PCDH9: variants seen among roughly 807,000 people sequenced by gnomAD.
PCDH9 encodes the protein protocadherin-9.
A neutral mutation model predicts 70.6 loss-of-function variants in PCDH9; 24 were observed. The ratio of observed to expected loss-of-function variants is 0.34; its 90% CI spans 0.25 to 0.48. The LOEUF is 0.48. Among genes scored for constraint, PCDH9 ranks in the 20% least tolerant of loss-of-function variants. PCDH9 has a pLI of 0.99. For synonymous variants in PCDH9, 562 were observed against 558.5 expected (o/e 1.01, Z -0.09); for missense variants, 1,281 against 1,503.6 (o/e 0.85, Z 2.45).
intron 2 of PCDH9, among the ~76,000 whole-genome samples, chr13:66,927,123 A>G (rs2082729032): frequency 6.6e-5 from 10 of 152,064 alleles, no homozygotes; most frequent in Admixed American, 5.9e-4. Flanking sequence ...TGAATGACCA[A>G]TTTACAGTTT....
At chr13:67,066,560 G>A (rs1381467761) in intron 2 of PCDH9, among the ~76,000 whole-genome samples, 2 of 152,122 alleles carry the variant, frequency 1.3e-5, no homozygotes, top group Non-Finnish European at 2.9e-5. Context: ...AATACCCAAA[G>A]AGAGTAGAGA....
intron 2 of PCDH9, among the ~76,000 whole-genome samples, chr13:67,097,331 A>C (rs958300562): frequency 2.0e-5 from 3 of 151,854 alleles, no homozygotes; most frequent in African/African-American, 4.8e-5. Context: ...CTATCCTGTT[A>C]ATTTATTTTC....
At chr13:67,118,819 C>G (rs1027537056) in intron 2 of PCDH9, among the ~76,000 whole-genome samples, 1 of 152,170 alleles carries the variant, frequency 6.6e-6, no homozygotes. Flanking sequence ...ATCCTAAATA[C>G]CTTTTCCTAA....
chr13:66,399,041 T>C (rs1050527064), intron 4 of PCDH9, among the ~76,000 whole-genome samples: 1 of 152,116 alleles, frequency 6.6e-6, no homozygotes, highest in African/African-American at 2.4e-5. Flanking sequence ...AAATAGAAAA[T>C]AGTGGACTGG....
At chr13:66,481,980 A>C (rs1566359889) in intron 4 of PCDH9, among the ~76,000 whole-genome samples, 1 of 151,996 alleles carries the variant, frequency 6.6e-6, no homozygotes, top group Non-Finnish European at 1.5e-5. Flanking sequence ...TCAATCAATC[A>C]ACAGTGAAAA....
Position 66,774,111 on chromosome 13 carries a change from G to A in PCDH9, c.3138+129393C>T, listed in dbSNP as rs1344559206. Among the ~76,000 whole-genome samples the A allele has an allele frequency of 2.0e-5, 3 of 152,056 alleles. No individual in the cohort carries two copies. In the East Asian group the frequency reaches 5.8e-4, roughly 29 times the overall value. On this transcript the variant is annotated intron_variant, in intron 3 of 4. Transcript: ENST00000377865. ...AATTTTTTACACTAACATTTGCATT[G>A]AGAAACAAGACAATTATGTAGGAAC... is the stretch of plus-strand genomic sequence containing the variant.
chr13:66,550,615 A>G (rs576256571), intron 4 of PCDH9, among the ~76,000 whole-genome samples: 22 of 152,258 alleles, frequency 1.4e-4, no homozygotes, highest in African/African-American at 5.3e-4. Context: ...GCAAACAGTA[A>G]AAAGAAGCCT....
intron 2 of PCDH9, among the ~76,000 whole-genome samples, chr13:67,028,123 T>G (rs1483257664): frequency 1.3e-5 from 2 of 149,744 alleles, no homozygotes; most frequent in African/African-American, 4.9e-5. Context: ...TGCACACATA[T>G]GTTTCTTGCG....
At chr13:67,212,678 C>CATTAGGGAAA (rs1432836579) in intron 2 of PCDH9, 1 of 151,988 alleles carries the variant, frequency 6.6e-6, no homozygotes, top group Non-Finnish European at 1.5e-5. Flanking sequence ...CATTGGTATC[C>CATTAGGGAAA]ATTAGGGAAA....
intron 4 of PCDH9, among the ~76,000 whole-genome samples, chr13:66,543,930 T>C (rs1961073653): frequency 6.6e-6 from 1 of 152,118 alleles, no homozygotes; most frequent in East Asian, 1.9e-4. Context: ...ACACTTGCAA[T>C]TGGTGCTCAC....
At chr13:66,595,714 T>A (rs958221176) in intron 4 of PCDH9, among the ~76,000 whole-genome samples, 4 of 151,670 alleles carry the variant, frequency 2.6e-5, no homozygotes, top group Non-Finnish European at 5.9e-5. Flanking sequence ...AACTTTTTTA[T>A]TAGTAGTGGA....
At chr13:66,795,100 A>ATAT (rs2080221429) in intron 3 of PCDH9, among the ~76,000 whole-genome samples, 2 of 151,858 alleles carry the variant, frequency 1.3e-5, no homozygotes, top group Non-Finnish European at 2.9e-5. Context: ...AATTTCACTT[A>ATAT]TTTTTCTTTT....
intron 4 of PCDH9, among the ~76,000 whole-genome samples, chr13:66,406,555 G>C (rs1260427969): frequency 6.6e-6 from 1 of 152,138 alleles, no homozygotes; most frequent in African/African-American, 2.4e-5. Context: ...ATTTACCCTT[G>C]AGAAAATTGT....
In PCDH9 at chr13:66,792,107, TAA is replaced by T. The variant is rs529236083; in HGVS notation, c.3138+111395_3138+111396del. 3.0e-4 allele frequency among the ~76,000 whole-genome samples: 45 copies of T among 152,348 alleles called. 1 individual carries two copies. The highest frequency in any genetic ancestry group is 6.8e-3 in the Middle Eastern group (2 of 294). On this transcript the variant is annotated intron_variant, in intron 3 of 4. Coordinates refer to ENST00000377865, the MANE Select transcript of PCDH9 (RefSeq NM_203487.3). ...TAAGGCATATTAGTGTGGTTTTATA[TAA>T]GTCAGTAATTATATGTAAGTCAGTA...
intron 4 of PCDH9, among the ~76,000 whole-genome samples, chr13:66,375,453 C>G (rs551458766): frequency 6.6e-6 from 1 of 151,976 alleles, no homozygotes; most frequent in Non-Finnish European, 1.5e-5. Context: ...AGTATATTTG[C>G]TCTTCCATTC....
intron 2 of PCDH9, among the ~76,000 whole-genome samples, chr13:67,007,316 G>T (rs934783211): frequency 6.6e-6 from 1 of 151,830 alleles, no homozygotes; most frequent in Non-Finnish European, 1.5e-5. Flanking sequence ...AAAATTTTGA[G>T]TAAAAAAACA....
At chr13:66,406,892 T>C (rs2138311681) in intron 4 of PCDH9, among the ~76,000 whole-genome samples, 1 of 152,336 alleles carries the variant, frequency 6.6e-6, no homozygotes, top group South Asian at 2.1e-4. Context: ...ATTTTTTTGT[T>C]TCAAATACAT....
At chr13:66,323,850 G>C (rs1955795909) in intron 4 of PCDH9, among the ~76,000 whole-genome samples, 1 of 151,934 alleles carries the variant, frequency 6.6e-6, no homozygotes, top group South Asian at 2.1e-4. Context: ...ACATACACTT[G>C]TCACCCACAG....
At chr13:67,150,436 C>A (rs566210252) in intron 2 of PCDH9, among the ~76,000 whole-genome samples, 1 of 152,060 alleles carries the variant, frequency 6.6e-6, no homozygotes, top group South Asian at 2.1e-4. Context: ...TTTATTAAGC[C>A]ACATTTTGAC....
Sources: gnomAD v4.1 joint callset for allele counts (sites outside exome capture counted in the v4.1 genomes callset) on GRCh38, gnomAD v4.1.1 for gene constraint, MANE v1.5 for transcripts, NCBI Gene and HGNC (gene_info 2026-07-23, HGNC 2026-07-21) for gene names.